CYP3A5: variants seen among roughly 807,000 people sequenced by gnomAD.
CYP3A5 encodes cytochrome P450 3A5.
CYP3A5 carries 51 observed loss-of-function variants against 55.9 expected under a neutral mutation model. The ratio of observed to expected loss-of-function variants is 0.91; its 90% CI spans 0.73 to 1.15. The LOEUF (loss-of-function observed/expected upper bound fraction) is 1.15, where lower values mean the gene tolerates loss of function less well. Among genes scored for constraint, CYP3A5 ranks in the 50% most tolerant of loss-of-function variants. CYP3A5 has a pLI of 0.00. For missense variants in CYP3A5, 533 were observed against 596.6 expected (o/e 0.89, Z 1.11); for synonymous variants, 196 against 213.9 (o/e 0.92, Z 0.73).
At chr7:99,672,042 TTTGTTGTTGTTG>T (rs573372567) in intron 4 of CYP3A5, among the ~76,000 whole-genome samples, 1 of 151,728 alleles carries the variant, frequency 6.6e-6, no homozygotes, top group Non-Finnish European at 1.5e-5. Flanking sequence ...TTTGCCGGTT[TTTGTTGTTGTTG>T]TTGTTGTTGT....
Position 99,660,679 on chromosome 7 carries a change from A to G in CYP3A5, c.866-20T>C. The G allele has an allele frequency of 1.2e-6, 2 of 1,612,964 alleles. No individual in the cohort carries two copies. The highest frequency in any genetic ancestry group is 2.2e-5 in the East Asian group (1 of 44,836). ...ACAGAGCTGAAAGGAGAGGAAAGAC[A>G]TTTTAGGTAAATCAGGTCAACGTAC... On this transcript the variant is annotated intron_variant, in intron 9 of 12. Coordinates refer to ENST00000222982, the MANE Select transcript of CYP3A5 (RefSeq NM_000777.5).
intron 10 of CYP3A5, among the ~76,000 whole-genome samples, chr7:99,657,978 T>C (rs1231305878): frequency 6.6e-6 from 1 of 152,202 alleles, no homozygotes; most frequent in East Asian, 1.9e-4. Context: ...TATGTGTTAC[T>C]TTGCACGTGA....
chr7:99,678,688 G>A (rs1267082427), intron 1 of CYP3A5, among the ~76,000 whole-genome samples: 2 of 152,194 alleles, frequency 1.3e-5, no homozygotes, highest in Non-Finnish European at 2.9e-5. Context: ...AAAAATGAAT[G>A]AATTTAAACC....
At chr7:99,655,143 A>C (rs1809579164) in intron 10 of CYP3A5, among the ~76,000 whole-genome samples, 2 of 152,182 alleles carry the variant, frequency 1.3e-5, no homozygotes, top group South Asian at 2.1e-4. Context: ...TTAGACATGA[A>C]GTCCTTGCCC....
At chr7:99,679,302 G>T (rs1812599126) in intron 1 of CYP3A5, among the ~76,000 whole-genome samples, 1 of 152,108 alleles carries the variant, frequency 6.6e-6, no homozygotes, top group South Asian at 2.1e-4. Context: ...GTGTCCCCTG[G>T]TGCGTTATGT....
At position 99,666,936 on chromosome 7, in the gene CYP3A5, C is replaced by T. The variant is rs769507564; in HGVS notation, c.432+16G>A. On this transcript the variant is annotated intron_variant, in intron 5 of 12. Transcript: ENST00000222982. The stretch of plus-strand genomic sequence containing the variant: ...ATTCTTTACATTTCTAATTAAGACT[C>T]ATCTTATTTTCATACCTCCTTGAGT... 5 of 1,610,560 alleles carry T rather than the reference C, an allele frequency of 3.1e-6. No individual in the cohort carries two copies. Among genetic ancestry groups the T allele is most frequent in the Non-Finnish European group, 4.2e-6 (5 of 1,177,254 alleles).
rs201165536 is a variant in CYP3A5 at position 99,672,634 on chromosome 7, G to T, written c.264C>A (p.Asp88Glu). ...CTTTCACTAGCACTGTTCTGATCAC[G>T]TCGGGATCTGTGATGGCCAGCACAG... ...QLPVLAITDP[D>E]VIRTVLVKEC... Residue 88 changes from aspartate to glutamate, a missense_variant, in exon 4 of 13, where the codon GAC (aspartate) becomes GAA (glutamate). Asp to Glu is a conservative substitution (Grantham distance 45). Transcript: ENST00000222982. 5.6e-6 allele frequency: 9 copies of T among 1,614,058 alleles called. No homozygotes were observed. Among genetic ancestry groups the T allele is most frequent in the African/African-American group, 1.3e-5 (1 of 75,006 alleles).
At chr7:99,660,139 T>A (rs981824278) in intron 10 of CYP3A5, 27 of 797,914 alleles carry the variant, frequency 3.4e-5, no homozygotes, top group Non-Finnish European at 4.1e-5. Context: ...GCAGAAATCA[T>A]TCGTCTTCTG....
Position 99,665,258 on chromosome 7 carries a change from A to G in CYP3A5, c.578T>C (p.Ile193Thr). 1 of 1,614,200 alleles carries G rather than the reference A, an allele frequency of 6.2e-7. No homozygotes were observed. The highest frequency in any genetic ancestry group is 1.3e-5 in the African/African-American group (1 of 75,034). Residue 193 changes from isoleucine to threonine, a missense_variant, in exon 7 of 13, where the codon ATC (isoleucine) becomes ACC (threonine). Transcript: ENST00000222982. The stretch of plus-strand genomic sequence containing the variant: ...GTCTTGTGGATTGTTGAGAGAGTCG[A>G]TGTTCACTCCAAATGATGTGCCAGT... ...VITGTSFGVN[I>T]DSLNNPQDPF...
intron 8 of CYP3A5, chr7:99,663,738 A>G: frequency 8.4e-7 from 1 of 1,184,988 alleles, no homozygotes; most frequent in South Asian, 2.8e-5. Context: ...TGTTTATATC[A>G]TGACATACTA....
chr7:99,660,492 C>T lies in CYP3A5; in HGVS notation c.1026+7G>A. ...CTTCCCTTCATCTCCAGGGGTCATC[C>T]CCTCACCTTATTGGGCAAAACTGCA... On this transcript the variant is annotated splice_region_variant and intron_variant, in intron 10 of 12. Transcript: ENST00000222982. The T allele has an allele frequency of 1.9e-6, 3 of 1,606,798 alleles. 1 individual carries two copies. Among genetic ancestry groups the T allele is most frequent in the Non-Finnish European group, 2.6e-6 (3 of 1,176,352 alleles).
intron 6 of CYP3A5, among the ~76,000 whole-genome samples, chr7:99,666,309 A>G (rs192767131): frequency 3.7e-4 from 56 of 152,248 alleles, no homozygotes; most frequent in Non-Finnish European, 1.9e-4. Flanking sequence ...CTTTGATACA[A>G]TCATGTTTTT....
chr7:99,654,358 T>C (rs140146257), intron 10 of CYP3A5, among the ~76,000 whole-genome samples: 4,467 of 152,260 alleles, frequency 0.029, 215 homozygotes, highest in African/African-American at 0.1. Flanking sequence ...TGCCATAGTT[T>C]GCTGAGAATG....
Position 99,652,701 on chromosome 7 carries a change from C to A in CYP3A5, c.1105G>T (p.Val369Phe). ...VVNETLRLFP[V>F]AIRLERTCKK... is the part of the protein sequence containing the mutation. ...CAAGTCCTCTCAAGTCTAATAGCAACTGGGAATAATCTGAGTGTTTCATTC... is the reference window on the plus strand; with the variant it reads ...CAAGTCCTCTCAAGTCTAATAGCAAATGGGAATAATCTGAGTGTTTCATTC... Residue 369 changes from valine (V) to phenylalanine (F), a missense_variant, in exon 11 of 13, where the codon GTT becomes TTT. Val to Phe is a conservative substitution (Grantham distance 50). Transcript: ENST00000222982. 2.5e-6 allele frequency: 4 copies of A among 1,614,140 alleles called. No individual in the cohort carries two copies. The highest frequency in any genetic ancestry group is 3.4e-6 in the Non-Finnish European group (4 of 1,180,026).
At chr7:99,664,176 G>A (rs1424914106) in intron 7 of CYP3A5, 81 bp from the exon 8 acceptor site, 2 of 1,145,312 alleles carry the variant, frequency 1.7e-6, no homozygotes, top group Non-Finnish European at 1.3e-6. Context: ...TTCTCTACCA[G>A]TAATAAGAAT....
chr7:99,679,925 G>A lies in CYP3A5; in HGVS notation c.-29C>T. On this transcript the variant is annotated 5_prime_UTR_variant, in exon 1 of 13. Coordinates refer to ENST00000222982, the MANE Select transcript of CYP3A5 (RefSeq NM_000777.5). ...CACTTTCCTTCTTCAACTGTGTTCT[G>A]TGAGTCTTCCTTTTAGCTGAGTGCT... is the stretch of plus-strand genomic sequence containing the variant. 6 of 1,604,652 alleles carry A rather than the reference G, an allele frequency of 3.7e-6. No individual in the cohort carries two copies. The highest frequency in any genetic ancestry group is 5.1e-6 in the Non-Finnish European group (6 of 1,171,448).
In CYP3A5 at chr7:99,672,690, A is replaced by G; in HGVS notation, c.219-11T>C. The G allele has an allele frequency of 5.0e-6, 8 of 1,613,660 alleles. No individual in the cohort carries two copies. The highest frequency in any genetic ancestry group is 6.8e-6 in the Non-Finnish European group (8 of 1,179,870). On this transcript the variant is annotated splice_polypyrimidine_tract_variant and intron_variant, in intron 3 of 12. Coordinates refer to ENST00000222982, the MANE Select transcript of CYP3A5 (RefSeq NM_000777.5). ...TGACCTTCATACGTTCTGTGTGGGG[A>G]CAACGGAGCTGATTAAACTTCACTA...
At chr7:99,664,213 C>T (rs1810746877) in intron 7 of CYP3A5, 118 bp from the exon 8 acceptor site, 3 of 917,012 alleles carry the variant, frequency 3.3e-6, no homozygotes, top group Non-Finnish European at 5.0e-6. Context: ...TCAACTGGAA[C>T]CCATTCCTTT....
rs1203258987 is a variant in CYP3A5, at chr7:99,676,228, T to A, written c.72-20A>T. 2 of 1,612,952 alleles carry A rather than the reference T, an allele frequency of 1.2e-6. No homozygotes were observed. Among genetic ancestry groups the A allele is most frequent in the South Asian group, 2.2e-5 (2 of 91,064 alleles). On this transcript the variant is annotated intron_variant, in intron 1 of 12. Transcript: ENST00000222982. ...CCATATCTACAAAGTGAAACAGAAA[T>A]CAGGTCACAGGGATTGTGACTTTAT...
Sources: gnomAD v4.1 joint callset for allele counts (sites outside exome capture counted in the v4.1 genomes callset) on GRCh38, gnomAD v4.1.1 for gene constraint, MANE v1.5 for transcripts, NCBI Gene and HGNC (gene_info 2026-07-23, HGNC 2026-07-21) for gene names.